Variants in KANSL1 observed in about 807,000 individuals in gnomAD.
KANSL1 encodes KAT8 regulatory NSL complex subunit 1.
In KANSL1, 22 loss-of-function variants were observed where a neutral mutation model predicts 103.6. That is an observed-to-expected ratio of 0.21 (90% confidence interval 0.15 to 0.30). The LOEUF is 0.30. KANSL1 is among the 10% of genes least tolerant of loss of function. KANSL1 has a pLI of 1.00. For synonymous variants in KANSL1, 600 were observed against 527.6 expected (o/e 1.14, Z -1.88); for missense variants, 1,337 against 1,399.8 (o/e 0.96, Z 0.72).
intron 1 of KANSL1, among the ~76,000 whole-genome samples, chr17:46,186,128 C>A (rs1043695178): frequency 3.6e-4 from 55 of 151,880 alleles, no homozygotes; most frequent in Non-Finnish European, 6.3e-4. Flanking sequence ...GTAATACCAG[C>A]ACTTTGGGAG....
chr17:46,129,158 T>C (rs1397748263), intron 2 of KANSL1, among the ~76,000 whole-genome samples: 2 of 151,982 alleles, frequency 1.3e-5, no homozygotes, highest in Non-Finnish European at 1.5e-5. Context: ...GCAAGGGCCA[T>C]GTTTGTCCTA....
chr17:46,055,887 G>A (rs1242077906), intron 6 of KANSL1, among the ~76,000 whole-genome samples: 4 of 151,858 alleles, frequency 2.6e-5, no homozygotes, highest in Non-Finnish European at 5.9e-5. Flanking sequence ...ACAAAAGGAG[G>A]TATTACTTTT....
At chr17:46,101,089 T>C (rs2042293934) in intron 2 of KANSL1, among the ~76,000 whole-genome samples, 1 of 152,258 alleles carries the variant, frequency 6.6e-6, no homozygotes, top group Non-Finnish European at 1.5e-5. Flanking sequence ...GTTATTTAGA[T>C]AACTTTTAAA....
At chr17:46,198,463 G>T (rs1184171923), upstream of KANSL1, among the ~76,000 whole-genome samples, 1 of 142,230 alleles carries the variant, frequency 7.0e-6, no homozygotes, top group African/African-American at 2.6e-5. Flanking sequence ...TGGATGTGGT[G>T]ACTCACACCT....
intron 2 of KANSL1, among the ~76,000 whole-genome samples, chr17:46,111,752 TGGGAAGAAAGGAGA>T (rs2042818608): frequency 1.3e-5 from 2 of 152,224 alleles, no homozygotes; most frequent in South Asian, 4.1e-4. Flanking sequence ...ACTACACATT[TGGGAAGAAAGGAGA>T]GGGAATTCCT....
intron 7 of KANSL1, chr17:46,050,096 G>A (rs902873581): frequency 6.6e-6 from 1 of 150,852 alleles, no homozygotes; most frequent in African/African-American, 2.4e-5. Flanking sequence ...TTTATATTTA[G>A]TAGAGACGGT....
chr17:46,159,253 A>G (rs2045602925), intron 2 of KANSL1, among the ~76,000 whole-genome samples: 1 of 152,228 alleles, frequency 6.6e-6, no homozygotes, highest in Non-Finnish European at 1.5e-5. Flanking sequence ...AACAACAAGC[A>G]ATATTCTTCC....
intron 1 of KANSL1, among the ~76,000 whole-genome samples, chr17:46,186,479 T>C (rs2047040920): frequency 6.6e-6 from 1 of 152,190 alleles, no homozygotes; most frequent in Non-Finnish European, 1.5e-5. Flanking sequence ...CTTATACCTT[T>C]AGAGAAAAGT....
intron 4 of KANSL1, among the ~76,000 whole-genome samples, chr17:46,079,151 T>A (rs1434265043): frequency 6.6e-6 from 1 of 152,238 alleles, no homozygotes; most frequent in African/African-American, 2.4e-5. Flanking sequence ...TTCCTTGATT[T>A]GCTCCATGAC....
intron 2 of KANSL1, among the ~76,000 whole-genome samples, chr17:46,170,096 C>T (rs553230303): frequency 6.6e-6 from 1 of 151,864 alleles, no homozygotes; most frequent in East Asian, 1.9e-4. Flanking sequence ...GAGCTGAGAT[C>T]GCACTACTGC....
chr17:46,214,491 T>C (rs948111895), intron 1 of KANSL1, among the ~76,000 whole-genome samples: 3 of 152,152 alleles, frequency 2.0e-5, no homozygotes, highest in African/African-American at 4.8e-5. Flanking sequence ...CTGTCTCTAC[T>C]AAAAATACAA....
At chr17:46,094,746 T>G (rs746981038) in intron 2 of KANSL1, 45 bp from the exon 3 acceptor site, 9 of 1,610,504 alleles carry the variant, frequency 5.6e-6, no homozygotes, top group Non-Finnish European at 7.6e-6. Context: ...AGCAGTAATA[T>G]CTATACCAGA....
intron 1 of KANSL1, among the ~76,000 whole-genome samples, chr17:46,212,000 C>T (rs1465010824): frequency 6.6e-6 from 1 of 152,182 alleles, no homozygotes; most frequent in Non-Finnish European, 1.5e-5. Context: ...TTAGACAGAA[C>T]AATTGGTTGG....
In KANSL1 at chr17:46,189,906, C is replaced by CAAA. The variant is rs55934305; in HGVS notation, c.-90+2914_-90+2916dup. On this transcript the variant is annotated intron_variant, in intron 1 of 14. Transcript: ENST00000432791. ...TGGGCGACAGAACGAGACCCTGCCT[C>CAAA]AAAAAAAAAAAAAAAAAAAATTGCT... Among the ~76,000 whole-genome samples the CAAA allele has an allele frequency of 6.1e-3, 686 of 112,400 alleles. 16 individuals are homozygous for CAAA. The highest frequency in any genetic ancestry group is 0.049 in the East Asian group (202 of 4,100). The allele number at this position is 112,400 out of a possible 152,430, so 73.7% of individuals were successfully genotyped here. A position where few individuals can be genotyped will look rare whatever the true frequency, so the allele number is the denominator to read the frequency against.
intron 1 of KANSL1, among the ~76,000 whole-genome samples, chr17:46,220,105 A>C: frequency 6.6e-6 from 1 of 152,100 alleles, no homozygotes; most frequent in Non-Finnish European, 1.5e-5. Context: ...TCCGTCTCAA[A>C]AAAACAAAAA....
intron 4 of KANSL1, among the ~76,000 whole-genome samples, chr17:46,075,394 T>C (rs62060837): frequency 6.6e-6 from 1 of 152,106 alleles, no homozygotes; most frequent in African/African-American, 2.4e-5. Flanking sequence ...TGGAATGCAG[T>C]GGCACAATCT....
chr17:46,153,807 C>T (rs1048707638), intron 2 of KANSL1, among the ~76,000 whole-genome samples: 32 of 152,304 alleles, frequency 2.1e-4, no homozygotes, highest in African/African-American at 6.0e-4. Context: ...CTGAAGGAAT[C>T]GCAATGTGGA....
intron 4 of KANSL1, among the ~76,000 whole-genome samples, chr17:46,075,183 G>A (rs770127154): frequency 1.3e-5 from 2 of 152,172 alleles, no homozygotes; most frequent in Non-Finnish European, 2.9e-5. Context: ...TAATAATACA[G>A]AAATTCAAAT....
chr17:46,182,183 C>T (rs973655325), intron 1 of KANSL1, among the ~76,000 whole-genome samples: 3 of 152,116 alleles, frequency 2.0e-5, no homozygotes, highest in East Asian at 1.9e-4. Flanking sequence ...AAAAAGGCCT[C>T]GTGGGGGTTG....
Sources: allele counts gnomAD v4.1 joint callset (sites outside exome capture counted in the v4.1 genomes callset), GRCh38; gene constraint gnomAD v4.1.1; transcripts MANE v1.5; gene names NCBI Gene and HGNC (gene_info 2026-07-23, HGNC 2026-07-21).